The following APBB1 variants were observed in gnomAD, a reference collection of about 807,000 sequenced individuals.
APBB1 encodes amyloid beta precursor protein binding family B member 1.
Under a neutral mutation model 78.4 loss-of-function variants are expected in APBB1, and 22 were observed. The ratio of observed to expected loss-of-function variants is 0.28; its 90% CI spans 0.20 to 0.40. APBB1 has a LOEUF of 0.40. APBB1 is among the 10% of genes least tolerant of loss of function. The pLI is 1.00. For synonymous variants in APBB1, 369 were observed against 372.7 expected (o/e 0.99, Z 0.12); for missense variants, 749 against 932.4 (o/e 0.80, Z 2.56).
chr11:6,406,228 A>G (rs1193665828), intron 2 of APBB1, among the ~76,000 whole-genome samples: 6 of 152,144 alleles, frequency 3.9e-5, no homozygotes, highest in Non-Finnish European at 8.8e-5. Context: ...CTTACATATA[A>G]AATACATTAA....
Position 6,403,228 on chromosome 11 carries a change from C to A in APBB1, c.1041-20G>T. ...TCTGGGCTGAAGGCAGATGGTAATA[C>A]TTGGCACAGGGCTCCCATAAATGGA... On this transcript the variant is annotated intron_variant, in intron 5 of 14. Transcript: ENST00000609360. The surrounding 1 kb of genome is among the most constrained non-coding windows in gnomAD (Gnocchi z 5.3). 6.2e-7 allele frequency: 1 copy of A among 1,612,256 alleles called. No homozygotes were observed. Among genetic ancestry groups the A allele is most frequent in the Non-Finnish European group, 8.5e-7 (1 of 1,179,148 alleles).
intron 1 of APBB1, among the ~76,000 whole-genome samples, chr11:6,417,946 G>A (rs1263152480): frequency 1.3e-5 from 2 of 152,254 alleles, no homozygotes; most frequent in Non-Finnish European, 2.9e-5. Context: ...TGTCAAGAGA[G>A]CAGCTGGACA....
At chr11:6,419,233 C>T (rs891904470), upstream of APBB1, 8 of 296,626 alleles carry the variant, frequency 2.7e-5, no homozygotes, top group Admixed American at 5.2e-5. Flanking sequence ...GGGCGGCCCT[C>T]GGACCTCGGT....
chr11:6,404,550 T>C, intron 2 of APBB1: 1 of 1,528,732 alleles, frequency 6.5e-7, no homozygotes, highest in Non-Finnish European at 8.8e-7. Context: ...GACGCTCACT[T>C]CCTGACCCTT....
chr11:6,402,149 G>A lies in APBB1; in HGVS notation c.1315C>T (p.Gln439Ter). 6.2e-7 allele frequency: 1 copy of A among 1,614,118 alleles called. No individual in the cohort carries two copies. The highest frequency in any genetic ancestry group is 8.5e-7 in the Non-Finnish European group (1 of 1,180,022). ...ATGGGTTGGGCGTGCAGCAGTGCCT[G>A]GCTCTGTGGCTCCACTAGCTTTAGT... ...ETLKLVEPQS[Q>*]ALLHAQPIIS... is the part of the protein sequence containing the mutation. The change falls in exon 8 of 15, where the codon CAG becomes TAG. Residue 439 changes from glutamine to a stop codon, truncating the protein, a stop_gained. Transcript: ENST00000609360. LOFTEE classifies it high-confidence loss of function.
At chr11:6,404,602 C>T in intron 2 of APBB1, 1 of 1,536,214 alleles carries the variant, frequency 6.5e-7, no homozygotes, top group South Asian at 1.2e-5. Context: ...CACATACACA[C>T]ATACCTCGCA....
Position 6,402,577 on chromosome 11 carries a change from TC to T in APBB1, c.1252del (p.Glu418LysfsTer14). The T allele has an allele frequency of 6.2e-7, 1 of 1,613,664 alleles. No individual in the cohort carries two copies. The highest frequency in any genetic ancestry group is 8.5e-7 in the Non-Finnish European group (1 of 1,179,832). On this transcript the variant is annotated frameshift_variant and splice_region_variant, in exon 7 of 15. Transcript: ENST00000609360. LOFTEE classifies it high-confidence loss of function. Reference protein sequence around the residue: ...LHDPMSGGWGEGKDLLLQLED... With the variant: ...LHDPMSGGWGXGKDLLLQLED... The stretch of plus-strand genomic sequence containing the variant: ...CCTACCCCCGGCTCAGGTCCTTACT[TC>T]CCCCCAGCCCCCAGACATGGGGTCA...
At chr11:6,398,500 G>C (rs1459503607) in intron 12 of APBB1, among the ~76,000 whole-genome samples, 1 of 152,232 alleles carries the variant, frequency 6.6e-6, no homozygotes, top group Admixed American at 6.5e-5. Flanking sequence ...TAAGTTTAGA[G>C]ACCACTTGTC....
intron 2 of APBB1, chr11:6,405,020 G>A (rs893819041): frequency 1.4e-6 from 2 of 1,420,940 alleles, no homozygotes; most frequent in Non-Finnish European, 9.2e-7. Context: ...GGTGGGGAAG[G>A]GAGGAGAAAG....
At position 6,403,639 on chromosome 11, in the gene APBB1, A is replaced by C. The variant is rs746587329; in HGVS notation, c.897+8T>G. On this transcript the variant is annotated splice_region_variant and intron_variant, in intron 3 of 14. Coordinates refer to ENST00000609360, the MANE Select transcript of APBB1 (RefSeq NM_001164.5). The surrounding 1 kb of genome is among the most constrained non-coding windows in gnomAD (Gnocchi z 5.3). The stretch of plus-strand genomic sequence containing the variant: ...CTGGCCCAAAATCAACAGGCCTGTG[A>C]GCCTCACCTGGGACTCCTCTTGGGG... 142 of 1,610,740 alleles carry C rather than the reference A, an allele frequency of 8.8e-5. No individual in the cohort carries two copies. Among genetic ancestry groups the C allele is most frequent in the Non-Finnish European group, 1.2e-4 (141 of 1,177,882 alleles).
intron 1 of APBB1, among the ~76,000 whole-genome samples, chr11:6,412,918 C>T (rs776899183): frequency 1.8e-4 from 28 of 152,042 alleles, no homozygotes; most frequent in Non-Finnish European, 3.4e-4. Flanking sequence ...CCCTCCAGAC[C>T]CCTCCCTCTG....
chr11:6,411,503 A>C lies in APBB1; in HGVS notation c.-14-142T>G, dbSNP rs1848964451. On this transcript the variant is annotated intron_variant, in intron 1 of 14. Coordinates refer to ENST00000609360, the MANE Select transcript of APBB1 (RefSeq NM_001164.5). The surrounding 1 kb of genome is among the most constrained non-coding windows in gnomAD (Gnocchi z 5.2). ...CACCCATGGCTCTCTATCCTATGAG[A>C]ATGACTGGGTTCAACTTCTGTCCCA... 1.4e-6 allele frequency: 1 copy of C among 711,948 alleles called. No individual in the cohort carries two copies. Among genetic ancestry groups the C allele is most frequent in the Non-Finnish European group, 2.2e-6 (1 of 454,240 alleles). 44.1% of individuals were successfully genotyped at this position (711,948 alleles called of 1,614,324 possible). A position where few individuals can be genotyped will look rare whatever the true frequency, so the allele number is the denominator to read the frequency against.
Position 6,401,151 on chromosome 11 carries a change from C to T in APBB1, c.1589-79G>A. On this transcript the variant is annotated intron_variant, in intron 11 of 14. Transcript: ENST00000609360. The surrounding 1 kb of genome is among the most constrained non-coding windows in gnomAD (Gnocchi z 4.5). Reference sequence around the variant, plus strand: ...CCCCACCAGCAGGGCATAAGCTGGACACTTGCCCAGCCGAGGCCCTACTTT... The same window carrying T: ...CCCCACCAGCAGGGCATAAGCTGGATACTTGCCCAGCCGAGGCCCTACTTT... 1.9e-6 allele frequency: 3 copies of T among 1,613,756 alleles called. No individual in the cohort carries two copies. Among genetic ancestry groups the T allele is most frequent in the Non-Finnish European group, 2.5e-6 (3 of 1,179,816 alleles).
chr11:6,405,066 C>G, intron 2 of APBB1: 4 of 1,394,144 alleles, frequency 2.9e-6, no homozygotes, highest in Non-Finnish European at 3.7e-6. Flanking sequence ...TCTGCTCACA[C>G]CTCTTCTTCC....
At chr11:6,397,207 C>T (rs1259251988) in intron 12 of APBB1, among the ~76,000 whole-genome samples, 1 of 152,244 alleles carries the variant, frequency 6.6e-6, no homozygotes, top group Non-Finnish European at 1.5e-5. Flanking sequence ...CACTCCCAGG[C>T]CCTCTGCCCC....
chr11:6,396,351 C>T lies in APBB1; in HGVS notation c.1673-136G>A, dbSNP rs542208186. 7.2e-5 allele frequency: 50 copies of T among 698,790 alleles called. 1 individual carries two copies. Among genetic ancestry groups the T allele is most frequent in the South Asian group, 3.5e-4 (19 of 54,056 alleles). The allele number at this position is 698,790 out of a possible 1,614,324, so 43.3% of individuals were successfully genotyped here. ...CTTTGCCAGCCTACATTTTGGACAA[C>T]GCTGTCCAAGTATCCCTTCCCTGGG... On this transcript the variant is annotated intron_variant, in intron 12 of 14. Coordinates refer to ENST00000609360, the MANE Select transcript of APBB1 (RefSeq NM_001164.5).
At chr11:6,413,013 C>T (rs1487739986) in intron 1 of APBB1, among the ~76,000 whole-genome samples, 1 of 152,098 alleles carries the variant, frequency 6.6e-6, no homozygotes, top group Non-Finnish European at 1.5e-5. Context: ...AGGGACCCAC[C>T]CTCGGCCCCA....
At position 6,395,574 on chromosome 11, in the gene APBB1, C is replaced by A; in HGVS notation, c.2093G>T (p.Gly698Val). 2 of 1,581,302 alleles carry A rather than the reference C, an allele frequency of 1.3e-6. No individual in the cohort carries two copies. Among genetic ancestry groups the A allele is most frequent in the Middle Eastern group, 1.8e-4 (1 of 5,712 alleles). ...TVRRGVQSLWGSLKPKRLGAH... is the reference protein window; with the variant it reads ...TVRRGVQSLWVSLKPKRLGAH... Reference sequence around the variant, plus strand: ...CCCCAGCCGTTTGGGCTTCAGGGAGCCCCACAGCGACTGAACACCCCTGCG... The same window carrying A: ...CCCCAGCCGTTTGGGCTTCAGGGAGACCCACAGCGACTGAACACCCCTGCG... The change falls in exon 15 of 15, where the codon GGC becomes GTC. Residue 698 changes from glycine to valine, a missense_variant. Physicochemically the swap from Gly to Val is moderately radical, Grantham distance 109 (BLOSUM62 -3). This residue lies in a region of APBB1 where 96 missense variants were observed against 116.0 expected (regional missense o/e 0.83). Coordinates refer to ENST00000609360, the MANE Select transcript of APBB1 (RefSeq NM_001164.5). The surrounding 1 kb of genome is among the most constrained non-coding windows in gnomAD (Gnocchi z 5.2).
intron 1 of APBB1, among the ~76,000 whole-genome samples, chr11:6,414,265 G>A (rs1400426036): frequency 2.0e-5 from 3 of 152,118 alleles, no homozygotes; most frequent in Non-Finnish European, 4.4e-5. Context: ...CTCCCCTTGT[G>A]AGAACCTCTG....
Sources: gnomAD v4.1 joint callset for allele counts (sites outside exome capture counted in the v4.1 genomes callset) on GRCh38, gnomAD v4.1.1 for gene constraint, gnomAD v4.1.1 regional missense constraint, Gnocchi (gnomAD v3.1) non-coding constraint, MANE v1.5 for transcripts, NCBI Gene and HGNC (gene_info 2026-07-23, HGNC 2026-07-21) for gene names.